NDE1: variants seen among roughly 807,000 people sequenced by gnomAD.
NDE1 encodes the protein nudE neurodevelopment protein 1.
A neutral mutation model predicts 43.4 loss-of-function variants in NDE1; 28 were observed. That is an observed-to-expected ratio of 0.65 (90% confidence interval 0.48 to 0.89). The LOEUF (loss-of-function observed/expected upper bound fraction) is 0.89, where lower values mean the gene tolerates loss of function less well. Among genes scored for constraint, NDE1 ranks in the 40% least tolerant of loss-of-function variants. The pLI is 0.00. For synonymous variants in NDE1, 184 were observed against 172.0 expected (o/e 1.07, Z -0.55); for missense variants, 441 against 434.1 (o/e 1.02, Z -0.14).
intron 8 of NDE1, chr16:15,719,468 G>T: frequency 6.5e-7 from 1 of 1,544,482 alleles, no homozygotes; most frequent in Non-Finnish European, 8.9e-7. Context: ...TGTCTTTCTA[G>T]ACAGGTGGAC....
chr16:15,676,329 C>T (rs1310537420), intron 3 of NDE1, among the ~76,000 whole-genome samples: 1 of 149,554 alleles, frequency 6.7e-6, no homozygotes, highest in Non-Finnish European at 1.5e-5. Flanking sequence ...CCCGCGTCAG[C>T]CTTCTGAGTA....
At position 15,725,683 on chromosome 16, in the gene NDE1, CACTT is replaced by C. The variant is rs1466959757; in HGVS notation, c.*1434_*1437del. ...AACTGCATGTGAGAAAAAAACATCT[CACTT>C]AATTCTTCCCTCGCCCCTTGGTCCC... On this transcript the variant is annotated 3_prime_UTR_variant, in exon 9 of 9. Coordinates refer to ENST00000396354, the MANE Select transcript of NDE1 (RefSeq NM_017668.3). 1.3e-5 allele frequency: 5 copies of C among 399,008 alleles called. No individual in the cohort carries two copies. Among genetic ancestry groups the C allele is most frequent in the African/African-American group, 2.1e-5 (1 of 48,752 alleles). The allele number at this position is 399,008 out of a possible 1,614,324, so 24.7% of individuals were successfully genotyped here. A position where few individuals can be genotyped will look rare whatever the true frequency, so the allele number is the denominator to read the frequency against.
Position 15,725,516 on chromosome 16 carries a change from G to T in NDE1, c.*1265G>T, listed in dbSNP as rs914895753. 1 of 420,158 alleles carries T rather than the reference G, an allele frequency of 2.4e-6. No homozygotes were observed. 26.0% of individuals were successfully genotyped at this position (420,158 alleles called of 1,614,324 possible). On this transcript the variant is annotated 3_prime_UTR_variant, in exon 9 of 9. Coordinates refer to ENST00000396354, the MANE Select transcript of NDE1 (RefSeq NM_017668.3). Reference sequence around the variant, plus strand: ...CCCTAAAGGTAAAAACGTCCTCTCTGTATTCTCTGGCTTTTACTCCCTAGT... The same window carrying T: ...CCCTAAAGGTAAAAACGTCCTCTCTTTATTCTCTGGCTTTTACTCCCTAGT...
At chr16:15,720,075 G>C in intron 8 of NDE1, 1 of 1,593,990 alleles carries the variant, frequency 6.3e-7, no homozygotes, top group Non-Finnish European at 8.6e-7. Flanking sequence ...CCTGGAGCCC[G>C]CTCTGCTGAC....
In NDE1 at chr16:15,696,778, C is replaced by G. The variant is rs554660899; in HGVS notation, c.865C>G (p.Pro289Ala). Reference sequence around the variant, plus strand: ...TCAGTCCCCAAACCGAACAGGTGGCCCAGCCTCTGGGCGGAGCAGCAAGAA... The same window carrying G: ...TCAGTCCCCAAACCGAACAGGTGGCGCAGCCTCTGGGCGGAGCAGCAAGAA... ...YDQSPNRTGG[P>A]ASGRSSKNRD... The change falls in exon 8 of 9, where the codon CCA becomes GCA. Residue 289 changes from proline (P) to alanine (A), a missense_variant. Transcript: ENST00000396354. The G allele has an allele frequency of 2.0e-5, 33 of 1,614,214 alleles. No homozygotes were observed. The South Asian group carries it at 3.4e-4, about 17-fold the overall frequency.
chr16:15,649,980 C>T (rs893662765), upstream of NDE1, among the ~76,000 whole-genome samples: 1 of 152,236 alleles, frequency 6.6e-6, no homozygotes, highest in Non-Finnish European at 1.5e-5. Flanking sequence ...GGTGTCCAGG[C>T]AGCGTTCTGC....
chr16:15,700,700 C>G (rs1313926567), intron 8 of NDE1, among the ~76,000 whole-genome samples: 1 of 152,032 alleles, frequency 6.6e-6, no homozygotes, highest in Non-Finnish European at 1.5e-5. Flanking sequence ...ATCCTCCCGC[C>G]TCAGCCTCCC....
chr16:15,694,992 G>T, intron 7 of NDE1: 1 of 826,758 alleles, frequency 1.2e-6, no homozygotes, highest in Admixed American at 6.2e-5. Flanking sequence ...GCAACATGGT[G>T]AAACCCCCTG....
intron 3 of NDE1, among the ~76,000 whole-genome samples, chr16:15,673,863 C>A (rs377101789): frequency 2.0e-5 from 3 of 152,080 alleles, no homozygotes; most frequent in Non-Finnish European, 4.4e-5. Context: ...CGAGAGAGCA[C>A]GGGAACGGGC....
At chr16:15,660,877 CCTT>C (rs2037008655) in intron 1 of NDE1, among the ~76,000 whole-genome samples, 1 of 152,156 alleles carries the variant, frequency 6.6e-6, no homozygotes, top group South Asian at 2.1e-4. Context: ...TTCTCTGCCT[CCTT>C]CGGTTACCAT....
At chr16:15,712,374 G>A (rs1045597122) in intron 8 of NDE1, among the ~76,000 whole-genome samples, 1 of 152,132 alleles carries the variant, frequency 6.6e-6, no homozygotes. Flanking sequence ...AACTAAGGCC[G>A]TGCAGTGGTC....
intron 5 of NDE1, among the ~76,000 whole-genome samples, chr16:15,690,004 TGATG>T (rs1399522365): frequency 6.6e-6 from 1 of 151,566 alleles, no homozygotes; most frequent in African/African-American, 2.4e-5. Context: ...GTTATGGTGA[TGATG>T]AGTGAGGAGG....
At chr16:15,683,906 G>T (rs2038304319) in intron 4 of NDE1, among the ~76,000 whole-genome samples, 1 of 151,602 alleles carries the variant, frequency 6.6e-6, no homozygotes, top group Non-Finnish European at 1.5e-5. Flanking sequence ...TTGTGCCTGT[G>T]GTCACAACTA....
chr16:15,671,954 C>T (rs1365418372), intron 3 of NDE1, among the ~76,000 whole-genome samples: 1 of 152,052 alleles, frequency 6.6e-6, no homozygotes, highest in Non-Finnish European at 1.5e-5. Flanking sequence ...TCTCAAAGTG[C>T]TGGGATTACA....
chr16:15,701,114 A>G (rs570040827), intron 8 of NDE1: 5 of 152,090 alleles, frequency 3.3e-5, no homozygotes, highest in African/African-American at 1.2e-4. Context: ...GTGCGTGCCT[A>G]TAATTCCAGC....
chr16:15,682,659 A>G (rs758377731), intron 4 of NDE1, among the ~76,000 whole-genome samples: 20 of 152,214 alleles, frequency 1.3e-4, no homozygotes, highest in South Asian at 2.1e-4. Flanking sequence ...TAAGATGCCA[A>G]AAAGTTTTAC....
chr16:15,659,667 G>A (rs1183658853), intron 1 of NDE1, among the ~76,000 whole-genome samples: 1 of 150,674 alleles, frequency 6.6e-6, no homozygotes, highest in East Asian at 2.0e-4. Flanking sequence ...AGACTCCTGA[G>A]CTCAGGTGAT....
chr16:15,681,358 T>A (rs1327638237), intron 4 of NDE1, among the ~76,000 whole-genome samples: 2 of 141,000 alleles, frequency 1.4e-5, no homozygotes, highest in Non-Finnish European at 3.0e-5. Context: ...CTTGACCTCC[T>A]GGGGCAAGTG....
intron 8 of NDE1, among the ~76,000 whole-genome samples, chr16:15,702,432 C>G (rs1470603408): frequency 6.6e-6 from 1 of 152,044 alleles, no homozygotes; most frequent in East Asian, 1.9e-4. Flanking sequence ...TTACTGTTAC[C>G]TAGGCTGCAG....
Sources: gnomAD v4.1 joint callset for allele counts (sites outside exome capture counted in the v4.1 genomes callset) on GRCh38, gnomAD v4.1.1 for gene constraint, MANE v1.5 for transcripts, NCBI Gene and HGNC (gene_info 2026-07-23, HGNC 2026-07-21) for gene names.